DPP6: variants seen among roughly 807,000 people sequenced by gnomAD.
DPP6 encodes the protein A-type potassium channel modulatory protein DPP6.
A neutral mutation model predicts 122.6 loss-of-function variants in DPP6; 69 were observed. That is an observed-to-expected ratio of 0.56 (90% CI 0.46 to 0.69). The LOEUF (loss-of-function observed/expected upper bound fraction) is 0.69, where lower values mean the gene tolerates loss of function less well. Among genes scored for constraint, DPP6 ranks in the 30% least tolerant of loss-of-function variants. The probability of loss-of-function intolerance (pLI) is 0.00; values close to 1 mark genes in which losing one functional copy is unlikely to be tolerated. For synonymous variants in DPP6, 418 were observed against 433.1 expected, an observed-to-expected ratio of 0.97 and a Z score of 0.43; for missense variants, 928 against 1,116.9, an observed-to-expected ratio of 0.83 and a Z score of 2.41.
At chr7:154,836,072 G>A (rs539740610) in intron 16 of DPP6, among the ~76,000 whole-genome samples, 1 of 152,166 alleles carries the variant, frequency 6.6e-6, no homozygotes, top group African/African-American at 2.4e-5. Flanking sequence ...CAAACCTTCC[G>A]CTCATTTCTG....
At chr7:154,640,634 C>T (rs1836020294) in intron 6 of DPP6, among the ~76,000 whole-genome samples, 1 of 152,102 alleles carries the variant, frequency 6.6e-6, no homozygotes, top group Non-Finnish European at 1.5e-5. Context: ...AGCTTCGTGA[C>T]CCCTTGGTCA....
intron 1 of DPP6, among the ~76,000 whole-genome samples, chr7:154,292,330 A>T (rs531046477): frequency 6.6e-6 from 1 of 152,222 alleles, no homozygotes. Context: ...TTGAGAACTC[A>T]TCAATCCTCT....
intron 4 of DPP6, among the ~76,000 whole-genome samples, chr7:154,556,499 A>G (rs552568022): frequency 6.6e-6 from 1 of 152,344 alleles, no homozygotes; most frequent in East Asian, 1.9e-4. Flanking sequence ...CTCTTCATCT[A>G]CAAAGATGTA....
At chr7:154,853,661 G>A (rs909124881) in intron 16 of DPP6, 119 bp from the exon 17 acceptor site, 12 of 1,388,932 alleles carry the variant, frequency 8.6e-6, no homozygotes, top group South Asian at 1.5e-5. Flanking sequence ...GCATGAATTC[G>A]GGTTCTCCAG....
At chr7:154,374,872 A>G (rs1586093447) in intron 1 of DPP6, among the ~76,000 whole-genome samples, 2 of 152,296 alleles carry the variant, frequency 1.3e-5, no homozygotes, top group African/African-American at 4.8e-5. Flanking sequence ...TCAGCCTCCC[A>G]AAGTGCTGGG....
At chr7:153,917,513 G>A (rs1800378166) in intron 1 of DPP6, among the ~76,000 whole-genome samples, 1 of 152,164 alleles carries the variant, frequency 6.6e-6, no homozygotes, top group African/African-American at 2.4e-5. Flanking sequence ...GCCACTGAGG[G>A]TTTATAAACT....
chr7:154,786,694 C>A (rs193123300), intron 10 of DPP6, among the ~76,000 whole-genome samples: 1 of 152,164 alleles, frequency 6.6e-6, no homozygotes, highest in Non-Finnish European at 1.5e-5. Context: ...CAGTTCTTTA[C>A]AGCAGTGTGA....
chr7:154,119,230 C>A (rs1289882109), intron 1 of DPP6, among the ~76,000 whole-genome samples: 5 of 152,262 alleles, frequency 3.3e-5, no homozygotes, highest in Admixed American at 2.0e-4. Flanking sequence ...GAAGGAGGGG[C>A]CATTATGCTC....
intron 1 of DPP6, among the ~76,000 whole-genome samples, chr7:153,937,681 C>A (rs1471756094): frequency 6.6e-6 from 1 of 152,140 alleles, no homozygotes; most frequent in African/African-American, 2.4e-5. Flanking sequence ...CTCCTGACCT[C>A]AAGTGACCAT....
At chr7:154,386,174 G>T (rs1158607888) in intron 1 of DPP6, among the ~76,000 whole-genome samples, 1 of 152,056 alleles carries the variant, frequency 6.6e-6, no homozygotes, top group Non-Finnish European at 1.5e-5. Context: ...TCTGAAATCG[G>T]TATTATGAGG....
intron 1 of DPP6, among the ~76,000 whole-genome samples, chr7:153,976,551 CA>C (rs1380774948): frequency 6.6e-6 from 1 of 152,050 alleles, no homozygotes; most frequent in Non-Finnish European, 1.5e-5. Context: ...TGTATTTTGC[CA>C]AAAACAGTAA....
chr7:154,784,517 GA>G (rs1286258648), intron 10 of DPP6, among the ~76,000 whole-genome samples: 2 of 152,074 alleles, frequency 1.3e-5, no homozygotes, highest in African/African-American at 4.8e-5. Flanking sequence ...AAAAGGACAG[GA>G]AAAAAATGTA....
intron 4 of DPP6, among the ~76,000 whole-genome samples, chr7:154,543,948 C>T (rs576933152): frequency 4.8e-4 from 66 of 137,108 alleles, no homozygotes; most frequent in Non-Finnish European, 8.4e-4. Context: ...GAGTCGACAT[C>T]GTTCCACTAC....
intron 1 of DPP6, among the ~76,000 whole-genome samples, chr7:154,122,371 A>G (rs890755200): frequency 6.6e-6 from 1 of 152,214 alleles, no homozygotes; most frequent in Non-Finnish European, 1.5e-5. Flanking sequence ...AGAACCACAT[A>G]TAGTCAAGGA....
the DPP6 span, among the ~76,000 whole-genome samples, chr7:153,871,286 T>C: frequency 6.6e-6 from 1 of 152,214 alleles, no homozygotes; most frequent in Non-Finnish European, 1.5e-5. Flanking sequence ...CCTTGAGCTG[T>C]GGTGGGCTCC....
At chr7:154,423,100 G>C (rs1817615547) in intron 1 of DPP6, among the ~76,000 whole-genome samples, 1 of 152,084 alleles carries the variant, frequency 6.6e-6, no homozygotes, top group Non-Finnish European at 1.5e-5. Flanking sequence ...CTGTGTCAAA[G>C]ATAAACAAGG....
intron 1 of DPP6, among the ~76,000 whole-genome samples, chr7:154,115,912 A>G (rs1806953616): frequency 1.3e-5 from 2 of 152,156 alleles, no homozygotes; most frequent in South Asian, 4.2e-4. Flanking sequence ...TGCATAAGGT[A>G]ACCTCATTTG....
At chr7:154,407,683 G>T (rs1816236215) in intron 1 of DPP6, among the ~76,000 whole-genome samples, 1 of 152,124 alleles carries the variant, frequency 6.6e-6, no homozygotes, top group African/African-American at 2.4e-5. Context: ...TAAAATAAAA[G>T]AAGACTTAGA....
intron 1 of DPP6, among the ~76,000 whole-genome samples, chr7:154,380,312 A>G (rs1057376012): frequency 3.3e-5 from 5 of 152,198 alleles, no homozygotes; most frequent in Non-Finnish European, 5.9e-5. Flanking sequence ...GTGTTTGCAA[A>G]TTATTTTCAA....
Sources: allele counts gnomAD v4.1 joint callset (sites outside exome capture counted in the v4.1 genomes callset), GRCh38; gene constraint gnomAD v4.1.1; transcripts MANE v1.5; gene names NCBI Gene and HGNC (gene_info 2026-07-23, HGNC 2026-07-21).